Variants in PCCB observed in about 807,000 individuals in gnomAD.
PCCB encodes the protein propionyl-CoA carboxylase subunit beta, also known as propionyl-CoA carboxylase beta chain, mitochondrial.
In PCCB, 43 loss-of-function variants were observed where a neutral mutation model predicts 60.7. The observed-to-expected ratio is 0.71, with a 90% CI of 0.55 to 0.91. PCCB has a LOEUF of 0.91. Among genes scored for constraint, PCCB ranks in the 40% least tolerant of loss-of-function variants. The pLI is 0.00. For missense variants in PCCB, 766 were observed against 702.8 expected, an observed-to-expected ratio of 1.09 and a Z score of -1.02; for synonymous variants, 276 against 255.9, an observed-to-expected ratio of 1.08 and a Z score of -0.75.
At chr3:136,273,911 C>CA (rs34690853) in intron 5 of PCCB, among the ~76,000 whole-genome samples, 1,048 of 55,472 alleles carry the variant, frequency 0.019, 30 homozygotes, top group Middle Eastern at 0.034. Context: ...GACTCTGTCT[C>CA]AAAAAAAAAA....
intron 5 of PCCB, among the ~76,000 whole-genome samples, chr3:136,272,037 C>T (rs992273078): frequency 6.6e-6 from 1 of 152,090 alleles, no homozygotes; most frequent in Non-Finnish European, 1.5e-5. Context: ...TATATCCCTC[C>T]TATGCCTAGT....
At chr3:136,292,894 C>A (rs970925051) in intron 6 of PCCB, among the ~76,000 whole-genome samples, 11 of 152,124 alleles carry the variant, frequency 7.2e-5, no homozygotes, top group African/African-American at 2.7e-4. Context: ...TGTAGACTTT[C>A]CACTGTATCT....
At chr3:136,277,915 C>T in intron 5 of PCCB, among the ~76,000 whole-genome samples, 1 of 152,190 alleles carries the variant, frequency 6.6e-6, no homozygotes, top group Non-Finnish European at 1.5e-5. Flanking sequence ...CACCTGGCTC[C>T]TGCACTTGTG....
intron 7 of PCCB, among the ~76,000 whole-genome samples, chr3:136,297,641 A>T (rs1220838792): frequency 6.6e-6 from 1 of 152,162 alleles, no homozygotes; most frequent in Non-Finnish European, 1.5e-5. Flanking sequence ...CCCGCATGGT[A>T]TAGGGATGGA....
intron 9 of PCCB, among the ~76,000 whole-genome samples, chr3:136,314,775 C>T (rs1225928043): frequency 1.3e-5 from 2 of 152,134 alleles, no homozygotes; most frequent in Non-Finnish European, 2.9e-5. Flanking sequence ...GATGCTAAAC[C>T]TAGTGGATGA....
chr3:136,255,455 T>G (rs1326749664), intron 1 of PCCB: 1 of 288,828 alleles, frequency 3.5e-6, no homozygotes, highest in Non-Finnish European at 6.7e-6. Flanking sequence ...AGAAAAAACC[T>G]GTGTCAGATC....
chr3:136,283,890 A>G lies in PCCB; in HGVS notation c.597A>G (p.Pro199=), dbSNP rs773799305. Residue 199 remains proline (P), a synonymous_variant, in exon 6 of 15, where the codon CCA becomes CCG. Transcript: ENST00000251654. The stretch of plus-strand genomic sequence containing the variant: ...CTCAGATTTCTCTGATCATGGGCCC[A>G]TGTGCTGGTGGGGCCGTCTACTCCC... ...VIPQISLIMG[P]CAGGAVYSPA... is the part of the protein sequence containing the mutation. The G allele has an allele frequency of 3.7e-6, 6 of 1,613,812 alleles. No homozygotes were observed. In the African/African-American group the frequency reaches 4.0e-5, roughly 11 times the overall value.
chr3:136,264,440 G>GTGTGTGTATA, intron 5 of PCCB, among the ~76,000 whole-genome samples: 3 of 123,780 alleles, frequency 2.4e-5, no homozygotes, highest in South Asian at 2.6e-4. Context: ...ATGTGTGTGT[G>GTGTGTGTATA]TATATATGTA....
At chr3:136,252,408 G>A (rs1188668200) in intron 1 of PCCB, 1 of 425,268 alleles carries the variant, frequency 2.4e-6, no homozygotes, top group Non-Finnish European at 4.7e-6. Flanking sequence ...CACCACATCT[G>A]GCTAATTTTT....
Position 136,293,744 on chromosome 3 carries a change from CTT to C in PCCB, c.655-9_655-8del. The C allele has an allele frequency of 6.4e-7, 1 of 1,559,758 alleles. No individual in the cohort carries two copies. The highest frequency in any genetic ancestry group is 8.8e-7 in the Non-Finnish European group (1 of 1,130,836). On this transcript the variant is annotated splice_polypyrimidine_tract_variant and intron_variant, in intron 6 of 14. Transcript: ENST00000251654. ...CTCTGAGGTTGACTGTTCTGGAAAT[CTT>C]TTATTTCAGGACACCTCCTACCTGT...
At chr3:136,285,704 T>C (rs1240619462) in intron 6 of PCCB, among the ~76,000 whole-genome samples, 1 of 152,232 alleles carries the variant, frequency 6.6e-6, no homozygotes, top group Admixed American at 6.5e-5. Flanking sequence ...CTGGTTTCCA[T>C]TGGCAATTTA....
chr3:136,296,672 C>G (rs1343805201), intron 7 of PCCB, among the ~76,000 whole-genome samples: 1 of 152,206 alleles, frequency 6.6e-6, no homozygotes, highest in Non-Finnish European at 1.5e-5. Context: ...GACAGACTCT[C>G]TTCCAAAGTG....
chr3:136,314,018 C>T (rs1198046729), intron 9 of PCCB, among the ~76,000 whole-genome samples: 3 of 148,624 alleles, frequency 2.0e-5, no homozygotes, highest in East Asian at 3.9e-4. Flanking sequence ...GGACTTTGGA[C>T]GTTTTAGAAG....
intron 5 of PCCB, among the ~76,000 whole-genome samples, chr3:136,278,171 A>T (rs562898799): frequency 6.6e-6 from 1 of 152,132 alleles, no homozygotes; most frequent in African/African-American, 2.4e-5. Flanking sequence ...TATATTTCTT[A>T]CTGCTCCCTA....
Position 136,301,050 on chromosome 3 carries a change from T to C in PCCB, c.905T>C (p.Leu302Pro). Residue 302 changes from leucine (L) to proline (P), a missense_variant, in exon 9 of 15, where the codon CTT becomes CCT. Coordinates refer to ENST00000251654, the MANE Select transcript of PCCB (RefSeq NM_000532.5). ...HDPSDRLVPE[L>P]DTIVPLESTK... Reference sequence around the variant, plus strand: ...TAAAGTGACCGTCTGGTTCCTGAGCTTGACACAATTGTCCCTTTGGAATCA... The same window carrying C: ...TAAAGTGACCGTCTGGTTCCTGAGCCTGACACAATTGTCCCTTTGGAATCA... 1.2e-6 allele frequency: 2 copies of C among 1,614,174 alleles called. No homozygotes were observed. The highest frequency in any genetic ancestry group is 1.7e-6 in the Non-Finnish European group (2 of 1,180,012).
At chr3:136,267,508 A>G (rs984155034) in intron 5 of PCCB, among the ~76,000 whole-genome samples, 2 of 152,092 alleles carry the variant, frequency 1.3e-5, no homozygotes, top group South Asian at 4.2e-4. Flanking sequence ...TTTTTGAGCT[A>G]GGGTCTCACT....
At chr3:136,253,857 C>T (rs1326413313) in intron 1 of PCCB, among the ~76,000 whole-genome samples, 1 of 151,522 alleles carries the variant, frequency 6.6e-6, no homozygotes, top group East Asian at 1.9e-4. Flanking sequence ...CTTTGTTGCC[C>T]AGGCTGGTCT....
chr3:136,277,295 T>C (rs1378087803), intron 5 of PCCB, among the ~76,000 whole-genome samples: 1 of 152,194 alleles, frequency 6.6e-6, no homozygotes, highest in African/African-American at 2.4e-5. Flanking sequence ...GGTTTTCTCC[T>C]TTCTGTTCAC....
At chr3:136,268,806 T>C (rs1942108254) in intron 5 of PCCB, among the ~76,000 whole-genome samples, 1 of 152,152 alleles carries the variant, frequency 6.6e-6, no homozygotes, top group South Asian at 2.1e-4. Context: ...TGAGATTTGA[T>C]AGGAACTGCA....
Sources: gnomAD v4.1 joint callset for allele counts (sites outside exome capture counted in the v4.1 genomes callset) on GRCh38, gnomAD v4.1.1 for gene constraint, MANE v1.5 for transcripts, NCBI Gene and HGNC (gene_info 2026-07-23, HGNC 2026-07-21) for gene names.